Variants in BET1 observed in about 807,000 individuals in gnomAD.
The protein encoded by BET1 is BET1 homolog.
A neutral mutation model predicts 13.9 loss-of-function variants in BET1; 9 were observed. That is an observed-to-expected ratio of 0.65 (90% CI 0.39 to 1.13). The LOEUF (loss-of-function observed/expected upper bound fraction) is 1.13, where lower values mean the gene tolerates loss of function less well. BET1 is among the 50% of genes most tolerant of loss of function. BET1 has a pLI of 0.01. For synonymous variants in BET1, 39 were observed against 47.3 expected (o/e 0.82, Z 0.72); for missense variants, 127 against 133.6 (o/e 0.95, Z 0.24).
At chr7:93,969,832 C>T (rs1239317441) in intron 6 of BET1, among the ~76,000 whole-genome samples, 2 of 151,690 alleles carry the variant, frequency 1.3e-5, no homozygotes, top group African/African-American at 4.8e-5. Flanking sequence ...TTGTTCTTTT[C>T]TCACCTGGTT....
At chr7:93,980,521 A>T (rs576968313) in intron 4 of BET1, among the ~76,000 whole-genome samples, 3 of 152,312 alleles carry the variant, frequency 2.0e-5, no homozygotes, top group African/African-American at 7.2e-5. Flanking sequence ...TATTACCAAG[A>T]TGAAGGATAA....
intron 3 of BET1, among the ~76,000 whole-genome samples, chr7:93,994,854 AT>A (rs1246604686): frequency 4.2e-5 from 6 of 143,372 alleles, no homozygotes; most frequent in Admixed American, 2.7e-4. Context: ...TTACTTATTT[AT>A]TTATTTAGAG....
intron 1 of BET1, among the ~76,000 whole-genome samples, chr7:94,003,184 T>C (rs1250744012): frequency 2.0e-5 from 3 of 152,114 alleles, no homozygotes; most frequent in Admixed American, 6.5e-5. Flanking sequence ...ATTTCTTTTT[T>C]TTTTCTCTTC....
intron 4 of BET1, among the ~76,000 whole-genome samples, chr7:93,984,077 C>T (rs927563424): frequency 3.3e-5 from 5 of 152,296 alleles, no homozygotes; most frequent in African/African-American, 1.2e-4. Flanking sequence ...CAAGGCCATG[C>T]TCTTTCTGAG....
intron 1 of BET1, among the ~76,000 whole-genome samples, chr7:94,002,987 G>A (rs2116154215): frequency 6.6e-6 from 1 of 152,222 alleles, no homozygotes; most frequent in South Asian, 2.1e-4. Flanking sequence ...GCGACACTTT[G>A]TACTACAATT....
chr7:93,971,518 T>C (rs1419166978), intron 6 of BET1, among the ~76,000 whole-genome samples: 2 of 151,730 alleles, frequency 1.3e-5, no homozygotes, highest in Non-Finnish European at 3.0e-5. Context: ...AGAAAAATAA[T>C]CACAATATGC....
chr7:93,989,856 G>C (rs1314433504), downstream of BET1, among the ~76,000 whole-genome samples: 2 of 152,186 alleles, frequency 1.3e-5, no homozygotes, highest in Non-Finnish European at 2.9e-5. Flanking sequence ...ATTTAGCCAT[G>C]AGAAATAAAT....
downstream of BET1, among the ~76,000 whole-genome samples, chr7:93,989,066 T>G (rs1795580240): frequency 6.6e-6 from 1 of 151,246 alleles, no homozygotes; most frequent in Non-Finnish European, 1.5e-5. Flanking sequence ...CAGGCTGGAG[T>G]GCAGTGGTGC....
chr7:93,970,344 A>T (rs1208902120), intron 6 of BET1, among the ~76,000 whole-genome samples: 1 of 151,794 alleles, frequency 6.6e-6, no homozygotes, highest in Non-Finnish European at 1.5e-5. Context: ...GGTAGGTGAC[A>T]GTGTGTGGAG....
At chr7:93,967,673 A>C (rs1259712930) in intron 6 of BET1, among the ~76,000 whole-genome samples, 1 of 151,824 alleles carries the variant, frequency 6.6e-6, no homozygotes, top group East Asian at 1.9e-4. Context: ...ACAATTTCTT[A>C]AAAAATATCT....
chr7:93,982,640 T>C (rs529342828), intron 4 of BET1, among the ~76,000 whole-genome samples: 52 of 152,262 alleles, frequency 3.4e-4, no homozygotes, highest in African/African-American at 1.2e-3. Context: ...TGTAAGGACA[T>C]TAGTCCTTGG....
intron 4 of BET1, among the ~76,000 whole-genome samples, chr7:93,987,524 C>A (rs1339279962): frequency 2.0e-5 from 3 of 152,008 alleles, no homozygotes; most frequent in African/African-American, 7.3e-5. Flanking sequence ...TAGATTATCC[C>A]CTCTGAGGTA....
intron 4 of BET1, among the ~76,000 whole-genome samples, chr7:93,985,910 G>A (rs982047393): frequency 6.6e-6 from 1 of 152,182 alleles, no homozygotes; most frequent in Non-Finnish European, 1.5e-5. Flanking sequence ...AGGACCTAGA[G>A]CATCTTAGAG....
At position 93,994,061 on chromosome 7, in the gene BET1, A is replaced by G; in HGVS notation, c.*169T>C. Reference sequence around the variant, plus strand: ...ATGAGTCATTAAGAAACAGTATTCAAAGACCACTGTATTAACTAATGTGAT... The same window carrying G: ...ATGAGTCATTAAGAAACAGTATTCAGAGACCACTGTATTAACTAATGTGAT... On this transcript the variant is annotated 3_prime_UTR_variant, in exon 4 of 4. Transcript: ENST00000222547. 1 of 1,457,154 alleles carries G rather than the reference A, an allele frequency of 6.9e-7. No homozygotes were observed. The highest frequency in any genetic ancestry group is 9.0e-7 in the Non-Finnish European group (1 of 1,113,796). The allele number at this position is 1,457,154 out of a possible 1,614,324, so 90.3% of individuals were successfully genotyped here. A position where few individuals can be genotyped will look rare whatever the true frequency, so the allele number is the denominator to read the frequency against.
intron 5 of BET1, among the ~76,000 whole-genome samples, chr7:93,974,606 T>C (rs149990194): frequency 6.2e-4 from 95 of 152,032 alleles, no homozygotes; most frequent in Middle Eastern, 6.8e-3. Context: ...ATATCTGTGG[T>C]GCCATAGTGA....
intron 2 of BET1, among the ~76,000 whole-genome samples, chr7:93,996,676 A>G (rs1795778762): frequency 6.7e-6 from 1 of 150,242 alleles, no homozygotes; most frequent in African/African-American, 2.4e-5. Context: ...AAATATCTGT[A>G]TATTTCCTTC....
At chr7:94,003,313 C>A (rs912917083) in intron 1 of BET1, among the ~76,000 whole-genome samples, 1 of 151,588 alleles carries the variant, frequency 6.6e-6, no homozygotes, top group Non-Finnish European at 1.5e-5. Context: ...TTATTGGCAA[C>A]TTTCACTGAC....
chr7:93,982,027 T>G (rs1460979911), intron 4 of BET1, among the ~76,000 whole-genome samples: 1 of 152,116 alleles, frequency 6.6e-6, no homozygotes, highest in African/African-American at 2.4e-5. Context: ...TAAAAGCTAC[T>G]CCCTCATCCC....
downstream of BET1, chr7:93,992,229 T>G (rs1482543574): frequency 1.0e-6 from 1 of 985,238 alleles, no homozygotes; most frequent in Non-Finnish European, 1.2e-6. Context: ...AACCATGCAG[T>G]GATGAGAATC....
Sources: gnomAD v4.1 joint callset for allele counts (sites outside exome capture counted in the v4.1 genomes callset) on GRCh38, gnomAD v4.1.1 for gene constraint, MANE v1.5 for transcripts, NCBI Gene and HGNC (gene_info 2026-07-23, HGNC 2026-07-21) for gene names.